The following PLEC variants were observed in gnomAD, a reference collection of about 807,000 sequenced individuals.
The protein encoded by PLEC is hemidesmosomal protein 1.
Under a neutral mutation model 392.8 loss-of-function variants are expected in PLEC, and 216 were observed. The ratio of observed to expected loss-of-function variants is 0.55; its 90% confidence interval spans 0.49 to 0.62. The LOEUF is 0.62. PLEC is among the 20% of genes least tolerant of loss of function. The pLI, the probability that PLEC is intolerant of heterozygous loss-of-function variation, is 0.00. For missense variants in PLEC, 6,863 were observed against 6,563.4 expected (o/e 1.05, Z -1.58); for synonymous variants, 3,621 against 2,980.6 (o/e 1.21, Z -7.00).
Position 143,916,695 on chromosome 8 carries a change from T to C in PLEC, c.13126A>G (p.Lys4376Glu), listed in dbSNP as rs782467077. The stretch of plus-strand genomic sequence containing the variant: ...CCGGCCTCGTAGTAGAGCCAGCCCT[T>C]CTTCAGGGCCTGGGCGGCCGACATC... ...TKMSAAQALK[K>E]GWLYYEAGQR... The change falls in exon 32 of 32, where the codon AAG becomes GAG. Residue 4376 changes from lysine (K) to glutamate (E), a missense_variant. Lys to Glu is a moderately conservative substitution (Grantham distance 56, BLOSUM62 1). Transcript: ENST00000345136. The C allele has an allele frequency of 2.5e-6, 4 of 1,612,392 alleles. No homozygotes were observed. In the Admixed American group the frequency reaches 6.7e-5, roughly 27 times the overall value.
intron 1 of PLEC, chr8:143,945,417 C>T (rs1320097399): frequency 1.9e-5 from 6 of 321,028 alleles, no homozygotes; most frequent in Admixed American, 4.5e-5. Flanking sequence ...AGGCCCACAG[C>T]ATATCCTATG....
At chr8:143,975,092 C>G (rs1833611872), upstream of PLEC, 1 of 1,462,124 alleles carries the variant, frequency 6.8e-7, no homozygotes. This position sits in a 1 kb window ranked among gnomAD's most constrained non-coding sequence, Gnocchi z 9.9. Flanking sequence ...CCCACCCAGT[C>G]CCCGCTCCAG....
At position 143,920,634 on chromosome 8, in the gene PLEC, C is replaced by T. The variant is rs782820081; in HGVS notation, c.9187G>A (p.Gly3063Ser). 36 of 1,606,038 alleles carry T rather than the reference C, an allele frequency of 2.2e-5. No homozygotes were observed. Among genetic ancestry groups the T allele is most frequent in the Middle Eastern group, 1.6e-4 (1 of 6,084 alleles). ...MAVALLEAQA[G>S]TGHIIDPATS... ...GCGGGGTCGATGATGTGCCCGGTGC[C>T]GGCCTGGGCTTCCAACAGGGCCACG... Residue 3063 changes from glycine to serine, a missense_variant, in exon 32 of 32, where the codon GGC becomes AGC. Transcript: ENST00000345136.
chr8:143,955,159 G>A (rs1832522366), upstream of PLEC, among the ~76,000 whole-genome samples: 1 of 152,266 alleles, frequency 6.6e-6, no homozygotes, highest in Middle Eastern at 3.4e-3. Flanking sequence ...CAAACTTAAG[G>A]AAAATGGTGA....
intron 1 of PLEC, chr8:143,950,145 T>C (rs1554734834): frequency 1.4e-6 from 2 of 1,467,788 alleles, no homozygotes; most frequent in East Asian, 2.5e-5. Flanking sequence ...AGACCCCTAC[T>C]TGCCACCCAT....
Position 143,918,905 on chromosome 8 carries a change from G to C in PLEC, c.10916C>G (p.Ser3639Cys). ...GAGGCGGCGGCGCACGTAGTCGTAG[G>C]AGGCCAGACCCTGCTGGCGGATGAT... ...TEIIRQQGLA[S>C]YDYVRRRLTA... The change falls in exon 32 of 32, where the codon TCC becomes TGC. Residue 3639 changes from serine to cysteine, a missense_variant. By Grantham distance (112) the Ser-to-Cys change is moderately radical. Transcript: ENST00000345136. 6.2e-7 allele frequency: 1 copy of C among 1,611,610 alleles called. No individual in the cohort carries two copies.
rs374306089 is a variant in PLEC, at chr8:143,934,995, C to T, written c.825+16G>A. 1.4e-4 allele frequency: 222 copies of T among 1,611,750 alleles called. 1 individual carries two copies. The highest frequency in any genetic ancestry group is 7.2e-4 in the South Asian group (66 of 91,072). The stretch of plus-strand genomic sequence containing the variant: ...GTCCAGGCCCAAGCCCCCTGCCCTC[C>T]GGGCCCCCCACTCACGTTGGCCCTC... On this transcript the variant is annotated intron_variant, in intron 8 of 31. Transcript: ENST00000345136.
At chr8:143,942,680 A>G (rs1168316216), upstream of PLEC, among the ~76,000 whole-genome samples, 2 of 152,216 alleles carry the variant, frequency 1.3e-5, no homozygotes, top group African/African-American at 4.8e-5. Context: ...GCCCAGACCC[A>G]AAGAACCTGC....
rs1826498959 is a variant in PLEC, at chr8:143,929,628, A to C, written c.2923+18T>G. 5 of 1,608,110 alleles carry C rather than the reference A, an allele frequency of 3.1e-6. No individual in the cohort carries two copies. The highest frequency in any genetic ancestry group is 4.2e-6 in the Non-Finnish European group (5 of 1,179,838). On this transcript the variant is annotated intron_variant, in intron 23 of 31. Coordinates refer to ENST00000345136, the MANE Select transcript of PLEC (RefSeq NM_201384.3). ...CACCTCGCACCAGCCCAACCGCCCC[A>C]GCCCTGCCGTGCCCTACCCTGTTCC...
chr8:143,952,572 C>T (rs1832300215), upstream of PLEC, among the ~76,000 whole-genome samples: 1 of 152,004 alleles, frequency 6.6e-6, no homozygotes, highest in Admixed American at 6.5e-5. Context: ...CCCACACTGA[C>T]CTCCTGCACT....
chr8:143,975,258 G>T (rs782451548), upstream of PLEC: 2 of 1,608,560 alleles, frequency 1.2e-6, no homozygotes, highest in Non-Finnish European at 1.7e-6. This position sits in a 1 kb window ranked among gnomAD's most constrained non-coding sequence, Gnocchi z 9.9. Context: ...CGCCGGCTCC[G>T]CTGCGTTTTC....
At chr8:143,958,029 C>A (rs1832687110), upstream of PLEC, among the ~76,000 whole-genome samples, 2 of 152,206 alleles carry the variant, frequency 1.3e-5, no homozygotes, top group Admixed American at 1.3e-4. The surrounding 1 kb of genome is among the most constrained non-coding windows in gnomAD (Gnocchi z 4.9). Flanking sequence ...ACACTCAGCC[C>A]TCCGGAGGCA....
rs374484619 is a variant in PLEC at position 143,950,294 on chromosome 8, C to T, written c.413G>A (p.Arg138Gln). 59 of 1,570,638 alleles carry T rather than the reference C, an allele frequency of 3.8e-5. 1 individual carries two copies. Among genetic ancestry groups the T allele is most frequent in the East Asian group, 1.9e-4 (8 of 42,718 alleles). Residue 138 changes from arginine (R) to glutamine (Q), a missense_variant, in exon 1 of 32, where the codon CGG (arginine) becomes CAG (glutamine). Physicochemically the swap from Arg to Gln is conservative, Grantham distance 43. Transcript: ENST00000322810. ...CTCAAGCTCCTTCCGACGGTAGACC[C>T]GCTGCTCCTCCGTCGGCAGCGGCCC...
In PLEC at chr8:143,935,271, G is replaced by A. The variant is rs1828714692; in HGVS notation, c.645C>T (p.Asn215=). 3.1e-6 allele frequency: 5 copies of A among 1,610,610 alleles called. No individual in the cohort carries two copies. In the African/African-American group the frequency reaches 5.3e-5, roughly 17 times the overall value. Residue 215 remains asparagine (N), a synonymous_variant, in exon 7 of 32, where the codon AAC becomes AAT. Coordinates refer to ENST00000345136, the MANE Select transcript of PLEC (RefSeq NM_201384.3). ...AGAAGGCCTGGTCCAGGTTCTCCAG[G>A]TTGGTCTGCCGGTACACCTTGTTCA... The part of the protein sequence containing the change: ...IDMNKVYRQT[N]LENLDQAFSV...
chr8:143,958,638 G>A (rs1832720828), upstream of PLEC: 1 of 451,718 alleles, frequency 2.2e-6, no homozygotes, highest in Non-Finnish European at 4.5e-6. The surrounding 1 kb of genome is among the most constrained non-coding windows in gnomAD (Gnocchi z 4.9). Context: ...CCGAGCACAA[G>A]CAGGTCCCAC....
chr8:143,970,117 C>T (rs1833341828), intron 1 of PLEC, among the ~76,000 whole-genome samples: 1 of 152,004 alleles, frequency 6.6e-6, no homozygotes, highest in Non-Finnish European at 1.5e-5. Flanking sequence ...TATCTGTGTC[C>T]CTGGCACTGG....
chr8:143,952,212 GCGCACACA>G (rs147716093), upstream of PLEC, among the ~76,000 whole-genome samples: 83 of 137,164 alleles, frequency 6.1e-4, no homozygotes, highest in Middle Eastern at 3.6e-3. Flanking sequence ...ACACACACGC[GCGCACACA>G]CGCACGCGCA....
chr8:143,950,676 G>T (rs781992330), exon 1 of PLEC: 21 of 1,575,038 alleles, frequency 1.3e-5, no homozygotes, highest in Middle Eastern at 3.3e-4. Context: ...GCCCGCAGCT[G>T]GTCCCGTGGC....
In PLEC at chr8:143,917,545, G is replaced by A. The variant is rs1210843699; in HGVS notation, c.12276C>T (p.Asp4092=). The A allele has an allele frequency of 1.2e-6, 2 of 1,613,844 alleles. No individual in the cohort carries two copies. Among genetic ancestry groups the A allele is most frequent in the Non-Finnish European group, 1.7e-6 (2 of 1,180,028 alleles). The change falls in exon 32 of 32, where the codon GAC becomes GAT. Residue 4092 remains aspartate (D), a synonymous_variant. Coordinates refer to ENST00000345136, the MANE Select transcript of PLEC (RefSeq NM_201384.3). ...AGGTGAGGTTCTCCTCCGTGTTAGG[G>A]TCAAAGAAGCCCTTGGTGTCGTCCG... ...DPSDDTKGFF[D]PNTEENLTYL...
Sources: gnomAD v4.1 joint callset for allele counts (sites outside exome capture counted in the v4.1 genomes callset) on GRCh38, gnomAD v4.1.1 for gene constraint, Gnocchi (gnomAD v3.1) non-coding constraint, MANE v1.5 for transcripts, NCBI Gene and HGNC (gene_info 2026-07-23, HGNC 2026-07-21) for gene names.